The following DCLK1 variants were observed in gnomAD, a reference collection of about 807,000 sequenced individuals.
DCLK1 encodes the protein serine/threonine-protein kinase DCLK1.
DCLK1 carries 16 observed loss-of-function variants against 86.2 expected under a neutral mutation model. The observed-to-expected ratio is 0.19, with a 90% confidence interval of 0.13 to 0.28. DCLK1 has a LOEUF of 0.28. Among genes scored for constraint, DCLK1 ranks in the 10% least tolerant of loss-of-function variants. The pLI is 1.00. For synonymous variants in DCLK1, 369 were observed against 370.5 expected, an observed-to-expected ratio of 1.00 and a Z score of 0.05; for missense variants, 590 against 940.2, an observed-to-expected ratio of 0.63 and a Z score of 4.87.
intron 4 of DCLK1, among the ~76,000 whole-genome samples, chr13:35,925,127 T>C (rs774020218): frequency 2.0e-5 from 3 of 152,224 alleles, no homozygotes; most frequent in African/African-American, 7.2e-5. Context: ...GAATAAAAGT[T>C]TCCTGGCTCT....
chr13:35,793,629 G>A, intron 15 of DCLK1, 150 bp from the exon 16 acceptor site: 1 of 538,574 alleles, frequency 1.9e-6, no homozygotes. Context: ...AAACACTATT[G>A]TTGGAAGTAC....
In DCLK1 at chr13:36,013,830, T is replaced by G. The variant is rs371698102; in HGVS notation, c.724-66373A>C. ...TGGCGGGCGCCCCTCCCCCAGCCTC[T>G]CTGCCGCCTTGCAGTTTGATCTCAG... On this transcript the variant is annotated intron_variant, in intron 3 of 16. Coordinates refer to ENST00000360631, the MANE Select transcript of DCLK1 (RefSeq NM_001330071.2). Among the ~76,000 whole-genome samples, 112 of 152,152 alleles carry G rather than the reference T, an allele frequency of 7.4e-4. 1 individual carries two copies. In the East Asian group the frequency reaches 0.013, roughly 18 times the overall value.
At chr13:35,779,272 G>A (rs768123083) in intron 16 of DCLK1, among the ~76,000 whole-genome samples, 4 of 152,020 alleles carry the variant, frequency 2.6e-5, no homozygotes, top group South Asian at 4.2e-4. Context: ...CACTGCGCCC[G>A]GCCAATTTAT....
At chr13:35,960,366 A>G (rs143383522) in intron 3 of DCLK1, among the ~76,000 whole-genome samples, 4 of 152,358 alleles carry the variant, frequency 2.6e-5, no homozygotes, top group African/African-American at 9.6e-5. Flanking sequence ...AAACTATTAG[A>G]AATGTTAGCT....
chr13:35,874,401 T>G (rs1482283186), intron 4 of DCLK1, among the ~76,000 whole-genome samples: 3 of 152,044 alleles, frequency 2.0e-5, no homozygotes, highest in Non-Finnish European at 4.4e-5. Context: ...TCTCATGAAT[T>G]GAAATGGGGG....
intron 4 of DCLK1, among the ~76,000 whole-genome samples, chr13:35,875,733 A>T (rs1872551719): frequency 6.6e-6 from 1 of 152,136 alleles, no homozygotes; most frequent in Non-Finnish European, 1.5e-5. Flanking sequence ...CCCATACTCC[A>T]TTGGATACTA....
intron 3 of DCLK1, among the ~76,000 whole-genome samples, chr13:36,022,780 A>C (rs1881840341): frequency 6.6e-6 from 1 of 152,208 alleles, no homozygotes; most frequent in African/African-American, 2.4e-5. Flanking sequence ...TTCCACAAGG[A>C]AATCTCTGGA....
At chr13:36,034,633 A>T (rs1882419632) in intron 3 of DCLK1, among the ~76,000 whole-genome samples, 1 of 152,184 alleles carries the variant, frequency 6.6e-6, no homozygotes. Context: ...AAACCATATG[A>T]ATTTCAGGAA....
At chr13:36,086,910 G>A (rs904091064) in intron 3 of DCLK1, among the ~76,000 whole-genome samples, 10 of 152,082 alleles carry the variant, frequency 6.6e-5, no homozygotes, top group African/African-American at 2.2e-4. Context: ...TTGCTATTGC[G>A]AATAGTGCTG....
chr13:35,987,896 G>C (rs1268946224), intron 3 of DCLK1, among the ~76,000 whole-genome samples: 1 of 152,066 alleles, frequency 6.6e-6, no homozygotes, highest in South Asian at 2.1e-4. Flanking sequence ...AGCTTTTATG[G>C]CACAATCTCC....
At chr13:35,795,161 T>C (rs1345227872) in intron 15 of DCLK1, among the ~76,000 whole-genome samples, 1 of 152,192 alleles carries the variant, frequency 6.6e-6, no homozygotes, top group Non-Finnish European at 1.5e-5. Flanking sequence ...ATGAGGGATA[T>C]GGGACTTGAC....
At chr13:35,877,960 T>C (rs2153115914) in intron 4 of DCLK1, among the ~76,000 whole-genome samples, 1 of 152,292 alleles carries the variant, frequency 6.6e-6, no homozygotes, top group Admixed American at 6.5e-5. Flanking sequence ...TTCACTTCCC[T>C]CCCCTTGGGA....
chr13:35,983,256 G>A (rs1426308075), intron 3 of DCLK1, among the ~76,000 whole-genome samples: 2 of 152,108 alleles, frequency 1.3e-5, no homozygotes, highest in East Asian at 3.9e-4. Context: ...CTCCTAAAGC[G>A]CTGGGATTAC....
intron 8 of DCLK1, among the ~76,000 whole-genome samples, chr13:35,829,994 T>C (rs2153106518): frequency 6.6e-6 from 1 of 152,320 alleles, no homozygotes; most frequent in Non-Finnish European, 1.5e-5. Flanking sequence ...CAGGGCTTGG[T>C]GTGCTAGATG....
At chr13:35,972,601 C>T (rs1453537638) in intron 3 of DCLK1, among the ~76,000 whole-genome samples, 1 of 151,712 alleles carries the variant, frequency 6.6e-6, no homozygotes, top group Non-Finnish European at 1.5e-5. Flanking sequence ...AGAGAAGTGA[C>T]AAGGAGCAAG....
chr13:35,872,627 C>T (rs933439471), intron 4 of DCLK1, among the ~76,000 whole-genome samples: 1 of 152,170 alleles, frequency 6.6e-6, no homozygotes, highest in African/African-American at 2.4e-5. Context: ...AAACCAAGGG[C>T]ACACTGTGGG....
intron 16 of DCLK1, among the ~76,000 whole-genome samples, chr13:35,786,439 A>C (rs1034614310): frequency 2.6e-5 from 4 of 152,206 alleles, no homozygotes; most frequent in African/African-American, 9.7e-5. Context: ...TTCGATTTCT[A>C]TAGAGTACAA....
intron 3 of DCLK1, among the ~76,000 whole-genome samples, chr13:36,106,109 C>A (rs1885387023): frequency 6.6e-6 from 1 of 152,100 alleles, no homozygotes; most frequent in Non-Finnish European, 1.5e-5. Flanking sequence ...ATGCAATTTA[C>A]AGAAAACTAA....
intron 4 of DCLK1, among the ~76,000 whole-genome samples, chr13:35,915,856 T>C (rs1875373803): frequency 6.6e-6 from 1 of 152,204 alleles, no homozygotes; most frequent in African/African-American, 2.4e-5. Flanking sequence ...ATCACTAACC[T>C]GTGTAGGCTG....
Sources: gnomAD v4.1 joint callset for allele counts (sites outside exome capture counted in the v4.1 genomes callset) on GRCh38, gnomAD v4.1.1 for gene constraint, MANE v1.5 for transcripts, NCBI Gene and HGNC (gene_info 2026-07-23, HGNC 2026-07-21) for gene names.